TLN2: variants seen among roughly 807,000 people sequenced by gnomAD.
TLN2 encodes the protein talin 2, also known as talin-2.
TLN2 carries 118 observed loss-of-function variants against 294.7 expected under a neutral mutation model. The ratio of observed to expected loss-of-function variants is 0.40; its 90% CI spans 0.34 to 0.47. The LOEUF is 0.47. Among genes scored for constraint, TLN2 ranks in the 20% least tolerant of loss-of-function variants. The pLI is 0.84. For missense variants in TLN2, 3,083 were observed against 3,282.2 expected, an observed-to-expected ratio of 0.94 and a Z score of 1.48; for synonymous variants, 1,431 against 1,304.5, an observed-to-expected ratio of 1.10 and a Z score of -2.09.
At chr15:62,571,040 C>T (rs1223915875) in intron 1 of TLN2, among the ~76,000 whole-genome samples, 1 of 152,158 alleles carries the variant, frequency 6.6e-6, no homozygotes. Context: ...GTGGGTCTCA[C>T]AGCAGTGAAG....
chr15:62,607,730 C>T (rs1005268526), intron 2 of TLN2, among the ~76,000 whole-genome samples: 3 of 151,930 alleles, frequency 2.0e-5, no homozygotes, highest in Admixed American at 6.6e-5. Context: ...CCCACTTCCC[C>T]GCTCTTTTTT....
intron 46 of TLN2, 76 bp from the exon 47 acceptor site, chr15:62,796,051 A>G (rs1040910510): frequency 2.6e-6 from 4 of 1,546,550 alleles, no homozygotes; most frequent in Non-Finnish European, 3.5e-6. Context: ...GAGAGAATTC[A>G]TTATTTTCAG....
chr15:62,697,086 T>C (rs972163040), intron 14 of TLN2, among the ~76,000 whole-genome samples: 1 of 152,214 alleles, frequency 6.6e-6, no homozygotes, highest in Non-Finnish European at 1.5e-5. Flanking sequence ...GGAACATCAT[T>C]ATTATGGGAA....
intron 52 of TLN2, among the ~76,000 whole-genome samples, chr15:62,817,069 TG>T (rs1315779800): frequency 6.6e-6 from 1 of 152,164 alleles, no homozygotes; most frequent in African/African-American, 2.4e-5. Context: ...AAAGGAAGAC[TG>T]TTGTGGTCGC....
At position 62,713,302 on chromosome 15, in the gene TLN2, T is replaced by G. The variant is rs1347421056; in HGVS notation, c.2634+1225T>G. ...AAAAAAAAAAAAACAAAAAATAGAT[T>G]CATTAAGTGTCTCCACATCTTACCT... On this transcript the variant is annotated intron_variant, in intron 22 of 58. Coordinates refer to ENST00000636159, the MANE Select transcript of TLN2 (RefSeq NM_015059.3). 3.3e-5 allele frequency among the ~76,000 whole-genome samples: 5 copies of G among 150,770 alleles called. No individual in the cohort carries two copies. The East Asian group carries it at 9.8e-4, about 30-fold the overall frequency.
intron 2 of TLN2, among the ~76,000 whole-genome samples, chr15:62,593,098 A>C (rs997597417): frequency 1.2e-4 from 19 of 152,138 alleles, no homozygotes; most frequent in African/African-American, 4.6e-4. Flanking sequence ...TCAAAGGAGG[A>C]TCTTTGCAGC....
At chr15:62,741,504 T>G (rs2061317562) in intron 32 of TLN2, among the ~76,000 whole-genome samples, 1 of 152,072 alleles carries the variant, frequency 6.6e-6, no homozygotes, top group South Asian at 2.1e-4. Flanking sequence ...AGCCCCTCTT[T>G]CATTTTCCTG....
At chr15:62,579,442 C>T (rs1482029368) in intron 1 of TLN2, among the ~76,000 whole-genome samples, 7 of 152,122 alleles carry the variant, frequency 4.6e-5, no homozygotes, top group African/African-American at 1.4e-4. Flanking sequence ...GTATCTAATT[C>T]GGTCTTGATT....
intron 1 of TLN2, among the ~76,000 whole-genome samples, chr15:62,496,196 TC>T (rs1425728368): frequency 6.6e-6 from 1 of 152,180 alleles, no homozygotes; most frequent in Non-Finnish European, 1.5e-5. Context: ...GACTCACTGT[TC>T]CCATGGATCT....
intron 49 of TLN2, 27 bp from the exon 50 acceptor site, chr15:62,800,626 C>G (rs370847607): frequency 1.2e-6 from 2 of 1,613,054 alleles, no homozygotes; most frequent in Non-Finnish European, 1.7e-6. Flanking sequence ...ACTGCACTAT[C>G]TGTATTCATT....
intron 1 of TLN2, among the ~76,000 whole-genome samples, chr15:62,499,426 G>A (rs1230995900): frequency 6.6e-6 from 1 of 152,124 alleles, no homozygotes; most frequent in African/African-American, 2.4e-5. Flanking sequence ...CTTCAGCCTG[G>A]GTTACACAGT....
intron 30 of TLN2, 80 bp from the exon 31 acceptor site, chr15:62,739,268 C>A: frequency 6.8e-7 from 1 of 1,464,254 alleles, no homozygotes; most frequent in Non-Finnish European, 9.2e-7. Context: ...AAGAGTCTGT[C>A]TCCCTTCCAC....
intron 3 of TLN2, among the ~76,000 whole-genome samples, chr15:62,642,411 C>T (rs1178679898): frequency 2.0e-5 from 3 of 152,212 alleles, no homozygotes; most frequent in African/African-American, 7.2e-5. Context: ...GCAATCCTAA[C>T]CTCAGAGTCT....
Position 62,781,144 on chromosome 15 carries a change from A to G in TLN2, c.5519A>G (p.Asp1840Gly), listed in dbSNP as rs1300038392. The change falls in exon 44 of 59, where the codon GAT (aspartate) becomes GGT (glycine). Residue 1840 changes from aspartate to glycine, a missense_variant. Physicochemically the swap from Asp to Gly is moderately conservative, Grantham distance 94. Coordinates refer to ENST00000636159, the MANE Select transcript of TLN2 (RefSeq NM_015059.3). ...DAIAEAMSKL[D>G]EGTPPEPKGT... is the part of the protein sequence containing the mutation. ...TTCTTTTCCTCTCCTCTGTAGCTGG[A>G]TGAAGGCACTCCTCCAGAACCAAAG... 4 of 1,613,786 alleles carry G rather than the reference A, an allele frequency of 2.5e-6. No individual in the cohort carries two copies. Among genetic ancestry groups the G allele is most frequent in the Non-Finnish European group, 3.4e-6 (4 of 1,179,678 alleles).
At chr15:62,445,996 T>TG (rs2035802537) in intron 1 of TLN2, among the ~76,000 whole-genome samples, 1 of 151,808 alleles carries the variant, frequency 6.6e-6, no homozygotes, top group Non-Finnish European at 1.5e-5. Context: ...CTTTTTTTTT[T>TG]GTATAAATTT....
At chr15:62,435,127 T>C (rs967421348) in intron 1 of TLN2, among the ~76,000 whole-genome samples, 7 of 152,230 alleles carry the variant, frequency 4.6e-5, no homozygotes, top group African/African-American at 1.7e-4. Context: ...TAGTATTCCA[T>C]GGTGTATATG....
chr15:62,544,936 T>TC (rs2041906784), intron 1 of TLN2, among the ~76,000 whole-genome samples: 1 of 145,756 alleles, frequency 6.9e-6, no homozygotes, highest in Non-Finnish European at 1.5e-5. Context: ...ATGACCTCAC[T>TC]TTTTTTTTTT....
At chr15:62,410,361 C>G (rs1002470322) in intron 1 of TLN2, among the ~76,000 whole-genome samples, 8 of 151,964 alleles carry the variant, frequency 5.3e-5, no homozygotes, top group Non-Finnish European at 8.8e-5. Context: ...AAAGTAAAAA[C>G]TGCAGCAAGA....
intron 15 of TLN2, among the ~76,000 whole-genome samples, chr15:62,698,455 A>G (rs1431136973): frequency 6.6e-6 from 1 of 152,156 alleles, no homozygotes; most frequent in East Asian, 1.9e-4. Flanking sequence ...CAAAGATTGG[A>G]TCACCCCAGT....
Sources: allele counts gnomAD v4.1 joint callset (sites outside exome capture counted in the v4.1 genomes callset), GRCh38; gene constraint gnomAD v4.1.1; transcripts MANE v1.5; gene names NCBI Gene and HGNC (gene_info 2026-07-23, HGNC 2026-07-21).